Variants in RBFOX1 observed in about 807,000 individuals in gnomAD.
RBFOX1 encodes RNA binding fox-1 homolog 1.
In RBFOX1, 8 loss-of-function variants were observed where a neutral mutation model predicts 57.7. The ratio of observed to expected loss-of-function variants is 0.14; its 90% confidence interval spans 0.08 to 0.25. RBFOX1 has a LOEUF of 0.25. Ranked by LOEUF, RBFOX1 falls within the 10% of genes least tolerant of loss-of-function variation. The pLI is 1.00. For synonymous variants in RBFOX1, 326 were observed against 222.4 expected (o/e 1.47, Z -4.15); for missense variants, 611 against 548.5 (o/e 1.11, Z -1.14).
At chr16:5,424,193 G>A (rs2067442842) in intron 1 of RBFOX1, among the ~76,000 whole-genome samples, 1 of 152,138 alleles carries the variant, frequency 6.6e-6, no homozygotes, top group African/African-American at 2.4e-5. Flanking sequence ...TCTCTCGTTT[G>A]TTGAATTTCT....
intron 15 of RBFOX1, chr16:7,710,340 G>C (rs1435646352): frequency 4.0e-6 from 5 of 1,255,612 alleles, no homozygotes; most frequent in Middle Eastern, 3.1e-4. Context: ...AAAAAAATGA[G>C]ACAGTGAAAA....
At chr16:7,497,884 G>C (rs903380606) in intron 4 of RBFOX1, among the ~76,000 whole-genome samples, 1 of 152,222 alleles carries the variant, frequency 6.6e-6, no homozygotes, top group South Asian at 2.1e-4. Flanking sequence ...TCTGAGCTCT[G>C]TAGGCTATTT....
At chr16:6,953,597 G>C (rs1012225682) in intron 3 of RBFOX1, among the ~76,000 whole-genome samples, 2 of 152,118 alleles carry the variant, frequency 1.3e-5, no homozygotes, top group Non-Finnish European at 2.9e-5. Context: ...ATGTTGGCCA[G>C]CGTGGTCTGA....
At chr16:5,748,229 G>T (rs1234451981) in intron 3 of RBFOX1, among the ~76,000 whole-genome samples, 1 of 152,038 alleles carries the variant, frequency 6.6e-6, no homozygotes, top group Non-Finnish European at 1.5e-5. Context: ...ATTGCACTGT[G>T]GTCTGAGAGA....
intron 1 of RBFOX1, among the ~76,000 whole-genome samples, chr16:6,100,814 C>T (rs2096297347): frequency 6.6e-6 from 1 of 152,128 alleles, no homozygotes; most frequent in African/African-American, 2.4e-5. Flanking sequence ...CCTGGGTGGC[C>T]TGAACACCAA....
intron 4 of RBFOX1, among the ~76,000 whole-genome samples, chr16:7,388,886 A>C (rs2097935581): frequency 6.6e-6 from 1 of 151,992 alleles, no homozygotes; most frequent in African/African-American, 2.4e-5. Context: ...TTTTGATAGA[A>C]TATTTTCAAC....
At chr16:6,559,685 T>C (rs933172703) in intron 2 of RBFOX1, among the ~76,000 whole-genome samples, 12 of 152,182 alleles carry the variant, frequency 7.9e-5, no homozygotes, top group Non-Finnish European at 1.6e-4. Context: ...TACATAGGTA[T>C]ATATCTGTGT....
At chr16:5,738,575 C>A (rs1016578852) in intron 3 of RBFOX1, among the ~76,000 whole-genome samples, 1 of 138,714 alleles carries the variant, frequency 7.2e-6, no homozygotes, top group East Asian at 2.5e-4. Context: ...TGAAGGTTGC[C>A]ATGTGCCGAG....
At chr16:5,779,868 C>G (rs1048225725) in intron 3 of RBFOX1, among the ~76,000 whole-genome samples, 3 of 152,252 alleles carry the variant, frequency 2.0e-5, no homozygotes, top group East Asian at 1.9e-4. Context: ...TATAATCTGC[C>G]TGATCTTCAG....
chr16:6,353,461 T>C lies in RBFOX1; in HGVS notation c.-64+36404T>C, dbSNP rs566710263. Among the ~76,000 whole-genome samples, 5 of 152,176 alleles carry C rather than the reference T, an allele frequency of 3.3e-5. No individual in the cohort carries two copies. In the South Asian group the frequency reaches 1.0e-3, roughly 32 times the overall value. ...CTTGTCATTTATTTGATTTCTGTAA[T>C]AAGCTGCAAAGTACTTATGGTCCCT... On this transcript the variant is annotated intron_variant, in intron 2 of 15. Transcript: ENST00000550418.
At chr16:6,725,599 A>G (rs1179430518) in intron 3 of RBFOX1, among the ~76,000 whole-genome samples, 4 of 152,074 alleles carry the variant, frequency 2.6e-5, no homozygotes, top group African/African-American at 9.7e-5. Flanking sequence ...ATATCCAACC[A>G]TCAGCTCTTG....
At chr16:7,062,057 C>T (rs938579157) in intron 4 of RBFOX1, among the ~76,000 whole-genome samples, 3 of 151,944 alleles carry the variant, frequency 2.0e-5, no homozygotes, top group Non-Finnish European at 4.4e-5. Context: ...GTGGCTCACA[C>T]CTGTAATCCC....
At chr16:6,235,411 C>G (rs1229955044) in intron 1 of RBFOX1, among the ~76,000 whole-genome samples, 1 of 152,114 alleles carries the variant, frequency 6.6e-6, no homozygotes, top group African/African-American at 2.4e-5. Flanking sequence ...CATATCTACC[C>G]AGAGGAAAAG....
chr16:6,494,499 C>G (rs769961585), intron 2 of RBFOX1, among the ~76,000 whole-genome samples: 6 of 152,192 alleles, frequency 3.9e-5, no homozygotes, highest in Non-Finnish European at 7.3e-5. Flanking sequence ...GGCTTATTGA[C>G]TCATCATTCC....
At chr16:7,293,910 A>C (rs2095842402) in intron 4 of RBFOX1, among the ~76,000 whole-genome samples, 1 of 152,192 alleles carries the variant, frequency 6.6e-6, no homozygotes, top group Non-Finnish European at 1.5e-5. Context: ...GGGAAGGTCC[A>C]GGTCAAGGTG....
chr16:7,414,853 G>C (rs982371713), intron 4 of RBFOX1, among the ~76,000 whole-genome samples: 5 of 152,122 alleles, frequency 3.3e-5, no homozygotes, highest in Admixed American at 6.5e-5. Context: ...CCTGACCTCA[G>C]GTGATCCGTT....
intron 3 of RBFOX1, among the ~76,000 whole-genome samples, chr16:6,999,319 A>G (rs1483713608): frequency 1.3e-5 from 2 of 150,830 alleles, no homozygotes; most frequent in Non-Finnish European, 2.9e-5. Flanking sequence ...GGCCTCCAAA[A>G]GTGATGGGAT....
intron 1 of RBFOX1, among the ~76,000 whole-genome samples, chr16:6,213,587 A>G (rs1400681776): frequency 6.6e-6 from 1 of 152,218 alleles, no homozygotes; most frequent in Non-Finnish European, 1.5e-5. Context: ...AAGTCATGCC[A>G]ATTGTTTATA....
chr16:5,649,641 T>G lies in RBFOX1; in HGVS notation c.318+50680T>G, dbSNP rs185455157. On this transcript the variant is annotated intron_variant, in intron 3 of 19. Transcript: ENST00000641259. ...AGAGATGCAGCCTCTGTCATGAATT[T>G]ATTTTTATCTTCTTTGTCTGTTTTT... 3.9e-5 allele frequency among the ~76,000 whole-genome samples: 6 copies of G among 152,338 alleles called. No individual in the cohort carries two copies. In the East Asian group the frequency reaches 1.2e-3, roughly 29 times the overall value.
Sources: gnomAD v4.1 joint callset for allele counts (sites outside exome capture counted in the v4.1 genomes callset) on GRCh38, gnomAD v4.1.1 for gene constraint, MANE v1.5 for transcripts, NCBI Gene and HGNC (gene_info 2026-07-23, HGNC 2026-07-21) for gene names.